APBB1IP: variants seen among roughly 807,000 people sequenced by gnomAD.
APBB1IP encodes the protein amyloid beta A4 precursor protein-binding family B member 1-interacting protein.
APBB1IP carries 27 observed loss-of-function variants against 64.9 expected under a neutral mutation model. That is an observed-to-expected ratio of 0.42 (90% CI 0.31 to 0.57). APBB1IP has a LOEUF of 0.57. Among genes scored for constraint, APBB1IP ranks in the 20% least tolerant of loss-of-function variants. APBB1IP has a pLI of 0.20. For synonymous variants in APBB1IP, 392 were observed against 331.0 expected (o/e 1.18, Z -2.00); for missense variants, 812 against 845.5 (o/e 0.96, Z 0.49).
At chr10:26,521,444 G>A (rs1028070165) in intron 8 of APBB1IP, among the ~76,000 whole-genome samples, 11 of 152,144 alleles carry the variant, frequency 7.2e-5, no homozygotes, top group East Asian at 1.9e-4. Flanking sequence ...GGGTTGGAGC[G>A]TTGCTGGGAT....
Position 26,496,390 on chromosome 10 carries a change from T to C in APBB1IP, c.159T>C (p.Asn53=). 4 of 1,603,818 alleles carry C rather than the reference T, an allele frequency of 2.5e-6. No homozygotes were observed. The highest frequency in any genetic ancestry group is 2.6e-6 in the Non-Finnish European group (3 of 1,171,432). The change falls in exon 4 of 15, where the codon AAT becomes AAC. Residue 53 remains asparagine, a splice_region_variant and synonymous_variant. Transcript: ENST00000376236. ...FNYSVGFKDL[N]ESLNALEDQD... ...ACAGTGTGGGGTTTAAAGATTTAAATGGTAAGCATAACAATTTCTTTTCTT... is the reference window on the plus strand; with the variant it reads ...ACAGTGTGGGGTTTAAAGATTTAAACGGTAAGCATAACAATTTCTTTTCTT...
chr10:26,487,053 G>C (rs1405405875), intron 2 of APBB1IP, among the ~76,000 whole-genome samples: 1 of 152,108 alleles, frequency 6.6e-6, no homozygotes, highest in Non-Finnish European at 1.5e-5. Flanking sequence ...ACTCAGAAGT[G>C]ACATACTCAC....
chr10:26,552,581 A>G (rs1472544421), intron 11 of APBB1IP, among the ~76,000 whole-genome samples: 2 of 151,974 alleles, frequency 1.3e-5, no homozygotes, highest in African/African-American at 4.8e-5. Flanking sequence ...CCTGGGCAAC[A>G]GAGCAAGACC....
chr10:26,544,067 G>A (rs539433809), intron 11 of APBB1IP, among the ~76,000 whole-genome samples: 2 of 152,330 alleles, frequency 1.3e-5, no homozygotes, highest in East Asian at 3.9e-4. Flanking sequence ...AAGTCAGAAT[G>A]AGAACTCAGG....
intron 6 of APBB1IP, among the ~76,000 whole-genome samples, chr10:26,506,214 G>A (rs1345749717): frequency 1.5e-5 from 2 of 132,750 alleles, no homozygotes; most frequent in African/African-American, 5.8e-5. Context: ...CCCCACTTTA[G>A]TGTTCCCCTC....
chr10:26,544,956 G>C (rs1836741774), intron 11 of APBB1IP, among the ~76,000 whole-genome samples: 1 of 152,218 alleles, frequency 6.6e-6, no homozygotes, highest in African/African-American at 2.4e-5. Context: ...CAGCAGGACT[G>C]ATGGATCTGG....
At chr10:26,501,702 C>T (rs1330586935) in intron 5 of APBB1IP, 1 of 152,966 alleles carries the variant, frequency 6.5e-6, no homozygotes, top group African/African-American at 2.4e-5. Flanking sequence ...GATGTTAACT[C>T]ATAGTATGTC....
intron 2 of APBB1IP, among the ~76,000 whole-genome samples, chr10:26,449,190 C>T (rs1328969856): frequency 6.6e-6 from 1 of 152,126 alleles, no homozygotes; most frequent in Admixed American, 6.6e-5. Flanking sequence ...CTTTTAAAAG[C>T]GTGCCTGACC....
rs982177733 is a variant in APBB1IP at position 26,506,270 on chromosome 10, C to T, written c.531+2996C>T. Among the ~76,000 whole-genome samples the T allele has an allele frequency of 2.7e-4, 35 of 129,606 alleles. 1 individual carries two copies. In the South Asian group the frequency reaches 8.0e-3, roughly 30 times the overall value. The allele number at this position is 129,606 out of a possible 152,430, so 85.0% of individuals were successfully genotyped here. On this transcript the variant is annotated intron_variant, in intron 6 of 14. Coordinates refer to ENST00000376236, the MANE Select transcript of APBB1IP (RefSeq NM_019043.4). ...GTGTGTGGGGGGGGGGGGTGGGGGGCAAGGTCTTGCTCTGTCACCCAGGCT... is the reference window on the plus strand; with the variant it reads ...GTGTGTGGGGGGGGGGGGTGGGGGGTAAGGTCTTGCTCTGTCACCCAGGCT...
intron 8 of APBB1IP, among the ~76,000 whole-genome samples, chr10:26,522,690 A>G (rs1254025924): frequency 1.3e-5 from 2 of 152,082 alleles, no homozygotes; most frequent in Non-Finnish European, 2.9e-5. Context: ...ACCTTTTTTT[A>G]TTATAAATGT....
intron 8 of APBB1IP, among the ~76,000 whole-genome samples, chr10:26,520,225 A>C (rs978219531): frequency 2.0e-5 from 3 of 152,186 alleles, no homozygotes; most frequent in Non-Finnish European, 4.4e-5. Flanking sequence ...CACAGTATGA[A>C]AGCCCTCCTC....
intron 6 of APBB1IP, among the ~76,000 whole-genome samples, chr10:26,507,183 G>A (rs151178327): frequency 1.6e-4 from 24 of 152,144 alleles, no homozygotes; most frequent in African/African-American, 4.3e-4. Context: ...AGTGTAAGAC[G>A]AATACACGGC....
intron 2 of APBB1IP, among the ~76,000 whole-genome samples, chr10:26,464,606 G>T (rs143904326): frequency 2.6e-5 from 4 of 152,178 alleles, no homozygotes; most frequent in African/African-American, 9.6e-5. Context: ...ACAGGTTCTT[G>T]TTGTGTTGCC....
intron 11 of APBB1IP, among the ~76,000 whole-genome samples, chr10:26,542,635 T>C (rs1015498275): frequency 1.3e-5 from 2 of 152,150 alleles, no homozygotes; most frequent in African/African-American, 4.8e-5. Context: ...GTGAATTCAA[T>C]CATATTTAGT....
chr10:26,496,355 G>A lies in APBB1IP; in HGVS notation c.124G>A (p.Glu42Lys). ...PPPDPNPPRA[E>K]FNYSVGFKDL... ...TCCTGACCCTAATCCACCCAGAGCT[G>A]AATTTAACTACAGTGTGGGGTTTAA... The change falls in exon 4 of 15, where the codon GAA (glutamate) becomes AAA (lysine). Residue 42 changes from glutamate to lysine, a missense_variant. This residue lies in a region of APBB1IP where 394 missense variants were observed against 413.1 expected (regional missense o/e 0.95). Transcript: ENST00000376236. The A allele has an allele frequency of 6.2e-7, 1 of 1,612,840 alleles. No individual in the cohort carries two copies. Among genetic ancestry groups the A allele is most frequent in the Non-Finnish European group, 8.5e-7 (1 of 1,179,232 alleles).
At chr10:26,523,851 G>A (rs1009962375) in intron 8 of APBB1IP, among the ~76,000 whole-genome samples, 3 of 152,026 alleles carry the variant, frequency 2.0e-5, no homozygotes, top group African/African-American at 7.2e-5. Context: ...GAAAGACCCT[G>A]GCCTTGAATG....
chr10:26,525,278 CT>C (rs2132456568), intron 8 of APBB1IP, among the ~76,000 whole-genome samples: 1 of 151,652 alleles, frequency 6.6e-6, no homozygotes, highest in East Asian at 1.9e-4. Context: ...TGAGATCTGT[CT>C]AAAAAAGAAA....
rs556550395 is a variant in APBB1IP at position 26,559,341 on chromosome 10, A to T, written c.1156-764A>T. Among the ~76,000 whole-genome samples the T allele has an allele frequency of 1.8e-4, 28 of 152,028 alleles. No individual in the cohort carries two copies. In the South Asian group the frequency reaches 5.8e-3, roughly 32 times the overall value. ...CACTTTGGTTGGCTGAAGCAGGAGG[A>T]TTGCTTGAGGCCAGGAGTTTGAGAC... On this transcript the variant is annotated intron_variant, in intron 11 of 14. Transcript: ENST00000376236.
intron 2 of APBB1IP, among the ~76,000 whole-genome samples, chr10:26,486,116 A>G (rs1835888370): frequency 6.6e-6 from 1 of 152,136 alleles, no homozygotes; most frequent in Non-Finnish European, 1.5e-5. Flanking sequence ...TTAAAAAATA[A>G]AAGGCCCCGA....
Sources: allele counts gnomAD v4.1 joint callset (sites outside exome capture counted in the v4.1 genomes callset), GRCh38; gene constraint gnomAD v4.1.1; regional missense constraint gnomAD v4.1.1; transcripts MANE v1.5; gene names NCBI Gene and HGNC (gene_info 2026-07-23, HGNC 2026-07-21).